The following RANBP17 variants were observed in gnomAD, a reference collection of about 807,000 sequenced individuals.
RANBP17 encodes the protein RAN binding protein 17, also known as ran-binding protein 17.
In RANBP17, 158 loss-of-function variants were observed where a neutral mutation model predicts 141.2. That is an observed-to-expected ratio of 1.12 (90% CI 0.98 to 1.28). The LOEUF (loss-of-function observed/expected upper bound fraction) is 1.28. Ranked by LOEUF, RANBP17 falls within the 50% of genes most tolerant of loss-of-function variation. The probability of loss-of-function intolerance (pLI) is 0.00; values close to 1 mark genes in which losing one functional copy is unlikely to be tolerated. For synonymous variants in RANBP17, 430 were observed against 450.0 expected (o/e 0.96, Z 0.56); for missense variants, 1,438 against 1,290.7 (o/e 1.11, Z -1.75).
chr5:170,912,994 G>C (rs1771655317), intron 7 of RANBP17, among the ~76,000 whole-genome samples: 2 of 151,898 alleles, frequency 1.3e-5, no homozygotes, highest in Admixed American at 6.6e-5. Context: ...TCCTACAGAG[G>C]ATTGGGGTCA....
chr5:171,011,692 ATTTT>A (rs1780046759), intron 14 of RANBP17, among the ~76,000 whole-genome samples: 1 of 151,914 alleles, frequency 6.6e-6, no homozygotes, highest in African/African-American at 2.4e-5. Flanking sequence ...AACCCCTAGT[ATTTT>A]TTATATACCT....
At chr5:171,025,178 G>T (rs1333355289) in intron 14 of RANBP17, among the ~76,000 whole-genome samples, 1 of 152,096 alleles carries the variant, frequency 6.6e-6, no homozygotes, top group Non-Finnish European at 1.5e-5. Context: ...CATGACCTCT[G>T]TGGTAACTTC....
chr5:171,119,983 G>A (rs1341765624), intron 14 of RANBP17, among the ~76,000 whole-genome samples: 1 of 147,486 alleles, frequency 6.8e-6, no homozygotes. Context: ...GTTGCGGTGA[G>A]CCGAGATCGA....
At chr5:171,234,355 G>A (rs74717535) in intron 22 of RANBP17, among the ~76,000 whole-genome samples, 12 of 152,234 alleles carry the variant, frequency 7.9e-5, no homozygotes, top group Non-Finnish European at 1.5e-4. Context: ...TATAAGGCCT[G>A]TAGCCCACTA....
At chr5:171,290,696 T>G (rs772998188) in intron 25 of RANBP17, among the ~76,000 whole-genome samples, 3 of 152,266 alleles carry the variant, frequency 2.0e-5, no homozygotes, top group Non-Finnish European at 4.4e-5. Context: ...GTTGTATATG[T>G]GTCTGTGTTT....
At position 170,878,164 on chromosome 5, in the gene RANBP17, A is replaced by G. The variant is rs767754842; in HGVS notation, c.86A>G (p.Glu29Gly). The G allele has an allele frequency of 6.2e-7, 1 of 1,613,092 alleles. No individual in the cohort carries two copies. The change falls in exon 2 of 28, where the codon GAG becomes GGG. Residue 29 changes from glutamate (E) to glycine (G), a missense_variant. Physicochemically the swap from Glu to Gly is moderately conservative, Grantham distance 98 (BLOSUM62 -2). Transcript: ENST00000523189. ...GGGACTGATCTTACACAAAGAATAG[A>G]GGCTGAGAAAGCACTCTTGGAACTT... is the stretch of plus-strand genomic sequence containing the variant. Reference protein sequence around the residue: ...YIGTDLTQRIEAEKALLELID... With the variant: ...YIGTDLTQRIGAEKALLELID...
chr5:170,882,635 C>A (rs1768808527), intron 3 of RANBP17, among the ~76,000 whole-genome samples: 2 of 152,130 alleles, frequency 1.3e-5, no homozygotes, highest in Non-Finnish European at 2.9e-5. Context: ...TGGTATGCAA[C>A]TGAATGACAG....
At chr5:171,241,829 CGT>C (rs1186087198) in intron 23 of RANBP17, among the ~76,000 whole-genome samples, 1 of 152,082 alleles carries the variant, frequency 6.6e-6, no homozygotes, top group African/African-American at 2.4e-5. Flanking sequence ...ACTCTCTTAA[CGT>C]GTGTTAAAAA....
At chr5:171,001,312 C>G (rs571999975) in intron 14 of RANBP17, among the ~76,000 whole-genome samples, 1 of 152,106 alleles carries the variant, frequency 6.6e-6, no homozygotes, top group African/African-American at 2.4e-5. Flanking sequence ...AATTGAGAAA[C>G]TAAATGAAAG....
At chr5:171,244,236 A>G (rs1323984340) in intron 24 of RANBP17, among the ~76,000 whole-genome samples, 1 of 152,040 alleles carries the variant, frequency 6.6e-6, no homozygotes, top group African/African-American at 2.4e-5. Flanking sequence ...TACTGAAAAT[A>G]CAAAAAATTA....
chr5:171,267,036 T>TTTC (rs1766755681), intron 25 of RANBP17, among the ~76,000 whole-genome samples: 1 of 144,812 alleles, frequency 6.9e-6, no homozygotes, highest in Admixed American at 6.8e-5. Context: ...CTTTTTTTTT[T>TTTC]TTTTTTTTTT....
chr5:171,247,619 TA>T (rs1030874970), intron 24 of RANBP17, among the ~76,000 whole-genome samples: 50 of 152,324 alleles, frequency 3.3e-4, no homozygotes, highest in African/African-American at 1.2e-3. Flanking sequence ...GCTATCTTTT[TA>T]ATCATCCATC....
chr5:170,927,334 A>G (rs1218649384), intron 12 of RANBP17, among the ~76,000 whole-genome samples: 1 of 152,138 alleles, frequency 6.6e-6, no homozygotes, highest in East Asian at 1.9e-4. Flanking sequence ...TTTGTTACAT[A>G]GGTATACACA....
intron 13 of RANBP17, among the ~76,000 whole-genome samples, chr5:170,965,592 G>C (rs1003845949): frequency 1.3e-5 from 2 of 152,110 alleles, no homozygotes; most frequent in African/African-American, 4.8e-5. Flanking sequence ...GTAAGGAAGG[G>C]ATCCAGTTTC....
intron 14 of RANBP17, among the ~76,000 whole-genome samples, chr5:171,142,425 C>G (rs1757765799): frequency 6.6e-6 from 1 of 152,122 alleles, no homozygotes; most frequent in African/African-American, 2.4e-5. Flanking sequence ...GCCTTGGAAC[C>G]CAGGCTATTA....
intron 14 of RANBP17, among the ~76,000 whole-genome samples, chr5:171,072,096 A>T (rs1433518204): frequency 6.6e-6 from 1 of 152,132 alleles, no homozygotes; most frequent in East Asian, 1.9e-4. Flanking sequence ...AAAGATGCCT[A>T]CATCCTAATC....
intron 14 of RANBP17, among the ~76,000 whole-genome samples, chr5:171,050,270 G>T (rs533757397): frequency 2.6e-4 from 39 of 152,122 alleles, no homozygotes; most frequent in Middle Eastern, 3.4e-3. Context: ...GATTTTTCAT[G>T]ATTGTTCTAG....
chr5:171,252,087 C>G, intron 24 of RANBP17: 2 of 1,598,750 alleles, frequency 1.3e-6, no homozygotes, highest in East Asian at 2.2e-5. Flanking sequence ...ATAGCATAGC[C>G]ACTCAGAAGA....
At chr5:170,866,611 C>A (rs1348244138) in intron 1 of RANBP17, among the ~76,000 whole-genome samples, 3 of 151,640 alleles carry the variant, frequency 2.0e-5, no homozygotes, top group African/African-American at 7.3e-5. Flanking sequence ...GGAGGCGGAG[C>A]TTGCAGTGAG....
Sources: allele counts gnomAD v4.1 joint callset (sites outside exome capture counted in the v4.1 genomes callset), GRCh38; gene constraint gnomAD v4.1.1; transcripts MANE v1.5; gene names NCBI Gene and HGNC (gene_info 2026-07-23, HGNC 2026-07-21).